PCDHGA1: variants seen among roughly 807,000 people sequenced by gnomAD.
PCDHGA1 encodes the protein protocadherin gamma-A1.
Under a neutral mutation model 58.0 loss-of-function variants are expected in PCDHGA1, and 32 were observed. The observed-to-expected ratio is 0.55, with a 90% CI of 0.42 to 0.74. The LOEUF is 0.74. Ranked by LOEUF, PCDHGA1 falls within the 30% of genes least tolerant of loss-of-function variation. PCDHGA1 has a pLI of 0.00. For synonymous variants in PCDHGA1, 498 were observed against 501.1 expected (o/e 0.99, Z 0.08); for missense variants, 1,205 against 1,182.3 (o/e 1.02, Z -0.28).
rs758715682 is a variant in PCDHGA1, at chr5:141,490,062, C to T, written c.2422-4745C>T. The T allele has an allele frequency of 2.6e-5, 42 of 1,614,100 alleles. No individual in the cohort carries two copies. The highest frequency in any genetic ancestry group is 3.3e-5 in the South Asian group (3 of 91,086). On this transcript the variant is annotated intron_variant, in intron 1 of 3. Coordinates refer to ENST00000517417, the MANE Select transcript of PCDHGA1 (RefSeq NM_018912.3). The surrounding 1 kb of genome is among the most constrained non-coding windows in gnomAD (Gnocchi z 5.4). The stretch of plus-strand genomic sequence containing the variant: ...CCACTGATCCAGACGAGGGCACCAA[C>T]GGCCAACTAGACTATTCTTTTGGAG...
chr5:141,438,721 G>A (rs886300746), intron 1 of PCDHGA1, among the ~76,000 whole-genome samples: 30 of 148,304 alleles, frequency 2.0e-4, no homozygotes, highest in Non-Finnish European at 7.4e-5. Flanking sequence ...AGTGCAAGTG[G>A]TGTGATCTCA....
intron 1 of PCDHGA1, chr5:141,418,428 A>G: frequency 6.2e-7 from 1 of 1,613,980 alleles, no homozygotes; most frequent in Non-Finnish European, 8.5e-7. Flanking sequence ...GATGGTGGCA[A>G]ATATCCAGAA....
chr5:141,336,111 T>G (rs867934135), intron 1 of PCDHGA1, among the ~76,000 whole-genome samples: 3 of 152,170 alleles, frequency 2.0e-5, no homozygotes, highest in Admixed American at 6.5e-5. Flanking sequence ...AAGAGTTACA[T>G]TTTTGAAATG....
At chr5:141,481,282 T>C (rs2099534931) in intron 1 of PCDHGA1, among the ~76,000 whole-genome samples, 1 of 152,148 alleles carries the variant, frequency 6.6e-6, no homozygotes, top group African/African-American at 2.4e-5. Flanking sequence ...CATAAAATGG[T>C]ATTTCAGTCA....
chr5:141,399,872 A>G (rs759178048), intron 1 of PCDHGA1: 2 of 1,612,652 alleles, frequency 1.2e-6, no homozygotes, highest in Non-Finnish European at 1.7e-6. Flanking sequence ...GAGCCCGGCT[A>G]CCTGGTGACC....
chr5:141,380,680 C>A (rs952566953), intron 1 of PCDHGA1, among the ~76,000 whole-genome samples: 2 of 152,184 alleles, frequency 1.3e-5, no homozygotes, highest in Middle Eastern at 3.2e-3. Context: ...GGTATGTATG[C>A]TTTGTGTTCG....
intron 1 of PCDHGA1, chr5:141,390,147 G>C: frequency 6.2e-7 from 1 of 1,614,034 alleles, no homozygotes; most frequent in Non-Finnish European, 8.5e-7. Flanking sequence ...TCTATGTGTT[G>C]CACATACAGG....
chr5:141,435,454 T>C (rs1407615505), intron 1 of PCDHGA1, among the ~76,000 whole-genome samples: 1 of 152,220 alleles, frequency 6.6e-6, no homozygotes, highest in Non-Finnish European at 1.5e-5. Flanking sequence ...ACGATATCTG[T>C]ATGTGTTTCC....
rs762068366 is a variant in PCDHGA1 at position 141,360,850 on chromosome 5, C to G, written c.2421+27745C>G. On this transcript the variant is annotated intron_variant, in intron 1 of 3. Coordinates refer to ENST00000517417, the MANE Select transcript of PCDHGA1 (RefSeq NM_018912.3). Reference sequence around the variant, plus strand: ...CAAAGTCACGGATGCCAACGATAACCCTCCAGTGTTCAGCCAGGACGTGTA... The same window carrying G: ...CAAAGTCACGGATGCCAACGATAACGCTCCAGTGTTCAGCCAGGACGTGTA... 16 of 1,613,984 alleles carry G rather than the reference C, an allele frequency of 9.9e-6. No individual in the cohort carries two copies. The African/African-American group carries it at 2.1e-4, about 22-fold the overall frequency.
chr5:141,387,840 C>A, intron 1 of PCDHGA1: 1 of 1,597,864 alleles, frequency 6.3e-7, no homozygotes, highest in African/African-American at 1.3e-5. Context: ...TTATTTGTAA[C>A]CCGGCGTCTC....
chr5:141,384,928 A>G (rs1780667479), intron 1 of PCDHGA1: 3 of 1,614,014 alleles, frequency 1.9e-6, no homozygotes, highest in Non-Finnish European at 2.5e-6. Context: ...CGACCTGGGC[A>G]GCCTTGAGCC....
At position 141,431,178 on chromosome 5, in the gene PCDHGA1, T is replaced by A; in HGVS notation, c.2422-63629T>A. 2 of 1,614,078 alleles carry A rather than the reference T, an allele frequency of 1.2e-6. No individual in the cohort carries two copies. Among genetic ancestry groups the A allele is most frequent in the Non-Finnish European group, 1.7e-6 (2 of 1,180,000 alleles). On this transcript the variant is annotated intron_variant, in intron 1 of 3. Coordinates refer to ENST00000517417, the MANE Select transcript of PCDHGA1 (RefSeq NM_018912.3). This position sits in a 1 kb window ranked among gnomAD's most constrained non-coding sequence, Gnocchi z 4.8. ...TACTTTCGTGAAAGTGAATTAGAAATAAAAATTAGTGAAAATGCAGCCACT... is the reference window on the plus strand; with the variant it reads ...TACTTTCGTGAAAGTGAATTAGAAAAAAAAATTAGTGAAAATGCAGCCACT...
In PCDHGA1 at chr5:141,487,522, T is replaced by C. The variant is rs764726787; in HGVS notation, c.2422-7285T>C. 2 of 1,614,166 alleles carry C rather than the reference T, an allele frequency of 1.2e-6. No individual in the cohort carries two copies. The highest frequency in any genetic ancestry group is 1.7e-6 in the Non-Finnish European group (2 of 1,180,022). ...TGGCTTCTGCACCCACTCGGAGTGATAGCTTCATGATGGTGAAGTCACCCA... is the reference window on the plus strand; with the variant it reads ...TGGCTTCTGCACCCACTCGGAGTGACAGCTTCATGATGGTGAAGTCACCCA... On this transcript the variant is annotated intron_variant, in intron 1 of 3. Coordinates refer to ENST00000517417, the MANE Select transcript of PCDHGA1 (RefSeq NM_018912.3). This position sits in a 1 kb window ranked among gnomAD's most constrained non-coding sequence, Gnocchi z 5.0.
At chr5:141,468,965 T>C (rs2099187692) in intron 1 of PCDHGA1, among the ~76,000 whole-genome samples, 1 of 151,738 alleles carries the variant, frequency 6.6e-6, no homozygotes, top group Admixed American at 6.6e-5. Context: ...TTTTTTACCT[T>C]AGGCTTTTGA....
intron 1 of PCDHGA1, chr5:141,339,182 A>G: frequency 6.2e-7 from 1 of 1,614,114 alleles, no homozygotes; most frequent in Non-Finnish European, 8.5e-7. Context: ...CTCCAGAGGT[A>G]GGTCCCAGCT....
At chr5:141,336,538 A>C (rs931721286) in intron 1 of PCDHGA1, among the ~76,000 whole-genome samples, 9 of 152,240 alleles carry the variant, frequency 5.9e-5, no homozygotes, top group African/African-American at 2.2e-4. Context: ...AAGGAGCCAA[A>C]AGGCAAACAG....
Position 141,487,399 on chromosome 5 carries a change from G to T in PCDHGA1, c.2422-7408G>T, listed in dbSNP as rs749826036. 6.2e-7 allele frequency: 1 copy of T among 1,614,140 alleles called. No individual in the cohort carries two copies. The highest frequency in any genetic ancestry group is 8.5e-7 in the Non-Finnish European group (1 of 1,180,014). ...TCACCAGATCTCGAAGGAGGGAGGG[G>T]CTTCCCCCTTCCAATGGGATCCTCC... On this transcript the variant is annotated intron_variant, in intron 1 of 3. Transcript: ENST00000517417. The surrounding 1 kb of genome is among the most constrained non-coding windows in gnomAD (Gnocchi z 5.0).
At position 141,493,396 on chromosome 5, in the gene PCDHGA1, G is replaced by A. The variant is rs562217310; in HGVS notation, c.2422-1411G>A. 1.3e-5 allele frequency among the ~76,000 whole-genome samples: 2 copies of A among 152,274 alleles called. No homozygotes were observed. Among genetic ancestry groups the A allele is most frequent in the East Asian group, 3.9e-4 (2 of 5,178 alleles). The stretch of plus-strand genomic sequence containing the variant: ...TTTAAAAGCTTGAGGACAGGAGAGG[G>A]GAGTTGCCTCTGCTGGGATTTTGCT... On this transcript the variant is annotated intron_variant, in intron 1 of 3. Transcript: ENST00000517417. This position sits in a 1 kb window ranked among gnomAD's most constrained non-coding sequence, Gnocchi z 4.3.
At chr5:141,404,266 C>T in intron 1 of PCDHGA1, 1 of 1,613,980 alleles carries the variant, frequency 6.2e-7, no homozygotes. Flanking sequence ...AAATTCACAT[C>T]ACCCTGCAAG....
Sources: allele counts gnomAD v4.1 joint callset (sites outside exome capture counted in the v4.1 genomes callset), GRCh38; gene constraint gnomAD v4.1.1; non-coding constraint Gnocchi (gnomAD v3.1); transcripts MANE v1.5; gene names NCBI Gene and HGNC (gene_info 2026-07-23, HGNC 2026-07-21).